Variants in MAPK14 observed in about 807,000 individuals in gnomAD.
MAPK14 encodes the protein mitogen-activated protein kinase 14.
Under a neutral mutation model 49.6 loss-of-function variants are expected in MAPK14, and 16 were observed. That is an observed-to-expected ratio of 0.32 (90% CI 0.22 to 0.49). MAPK14 has a LOEUF of 0.49. Among genes scored for constraint, MAPK14 ranks in the 20% least tolerant of loss-of-function variants. The pLI, the probability that MAPK14 is intolerant of heterozygous loss-of-function variation, is 0.99. For synonymous variants in MAPK14, 142 were observed against 158.0 expected (o/e 0.90, Z 0.76); for missense variants, 200 against 441.2 (o/e 0.45, Z 4.90).
chr6:36,082,946 C>G (rs989598776), intron 8 of MAPK14, among the ~76,000 whole-genome samples: 1 of 152,048 alleles, frequency 6.6e-6, no homozygotes, highest in East Asian at 1.9e-4. Context: ...CCTGTTCTAC[C>G]TTTTTCTTGG....
intron 2 of MAPK14, among the ~76,000 whole-genome samples, chr6:36,058,112 A>T (rs1460467983): frequency 6.6e-6 from 1 of 152,116 alleles, no homozygotes. Flanking sequence ...TCTTTGCTTT[A>T]TCCCTGTGTA....
At chr6:36,037,553 A>C (rs894492867) in intron 1 of MAPK14, among the ~76,000 whole-genome samples, 2 of 152,194 alleles carry the variant, frequency 1.3e-5, no homozygotes, top group African/African-American at 4.8e-5. Context: ...GTAGAGAGAA[A>C]GGGGAAGGAG....
intron 3 of MAPK14, among the ~76,000 whole-genome samples, chr6:36,068,766 G>A (rs1424154091): frequency 6.6e-6 from 1 of 152,048 alleles, no homozygotes; most frequent in African/African-American, 2.4e-5. Flanking sequence ...TAACAATTGG[G>A]TATTATCCAA....
intron 10 of MAPK14, among the ~76,000 whole-genome samples, chr6:36,104,372 A>G: frequency 6.6e-6 from 1 of 152,078 alleles, no homozygotes; most frequent in East Asian, 1.9e-4. Flanking sequence ...GATGTTGGGA[A>G]AAGATGTTGT....
chr6:36,101,808 G>C (rs1478711393), intron 9 of MAPK14, among the ~76,000 whole-genome samples: 1 of 152,126 alleles, frequency 6.6e-6, no homozygotes, highest in Non-Finnish European at 1.5e-5. Context: ...CACCGTGCCT[G>C]GGCAACCAGA....
At chr6:36,031,975 T>A (rs953288401) in intron 1 of MAPK14, among the ~76,000 whole-genome samples, 4 of 151,942 alleles carry the variant, frequency 2.6e-5, no homozygotes, top group Non-Finnish European at 5.9e-5. Context: ...AGAGATAGGG[T>A]CTTACTGTGT....
intron 1 of MAPK14, among the ~76,000 whole-genome samples, chr6:36,049,273 A>G (rs555640197): frequency 2.4e-4 from 36 of 152,186 alleles, no homozygotes; most frequent in Non-Finnish European, 3.7e-4. Context: ...CTTGTCAAAA[A>G]GTAAATTCTA....
chr6:36,118,455 C>G, the MAPK14 span, among the ~76,000 whole-genome samples: 1 of 152,194 alleles, frequency 6.6e-6, no homozygotes, highest in African/African-American at 2.4e-5. Context: ...AACATCTAAG[C>G]ACCTGTTGCT....
rs984162285 is a variant in MAPK14, at chr6:36,090,334, T to C, written c.683-5653T>C. Among the ~76,000 whole-genome samples, 4 of 152,030 alleles carry C rather than the reference T, an allele frequency of 2.6e-5. No individual in the cohort carries two copies. The East Asian group carries it at 7.7e-4, about 29-fold the overall frequency. The stretch of plus-strand genomic sequence containing the variant: ...CATTGGTTTCAAATACTCTTTCTTT[T>C]TTTTTTTGAGATGGAGTCTCACTCT... On this transcript the variant is annotated intron_variant, in intron 8 of 11. Coordinates refer to ENST00000229794, the MANE Select transcript of MAPK14 (RefSeq NM_139012.3).
chr6:36,043,404 T>G (rs1160338208), intron 1 of MAPK14, among the ~76,000 whole-genome samples: 2 of 152,196 alleles, frequency 1.3e-5, no homozygotes, highest in African/African-American at 4.8e-5. Context: ...AATCAAAACT[T>G]AAGTTCCAAT....
At chr6:36,123,208 C>G in the MAPK14 span, among the ~76,000 whole-genome samples, 2 of 152,098 alleles carry the variant, frequency 1.3e-5, no homozygotes, top group Non-Finnish European at 2.9e-5. Flanking sequence ...GTGAGGAGGG[C>G]TGTCCACAGG....
intron 3 of MAPK14, among the ~76,000 whole-genome samples, chr6:36,064,818 A>G (rs976025225): frequency 6.6e-6 from 1 of 152,208 alleles, no homozygotes. Flanking sequence ...TTAATGGGAG[A>G]GAAGAACAAT....
At chr6:36,041,510 ATGTTTCAT>A (rs1225572796) in intron 1 of MAPK14, among the ~76,000 whole-genome samples, 1 of 152,186 alleles carries the variant, frequency 6.6e-6, no homozygotes, top group Non-Finnish European at 1.5e-5. Context: ...TTGAGATGTA[ATGTTTCAT>A]GCTTTTCCTT....
chr6:36,032,145 C>T (rs948303958), intron 1 of MAPK14, among the ~76,000 whole-genome samples: 2 of 151,960 alleles, frequency 1.3e-5, no homozygotes, highest in South Asian at 2.1e-4. Flanking sequence ...AAAATTCATT[C>T]ATTGAAATAT....
At chr6:36,049,151 G>A (rs1317326297) in intron 1 of MAPK14, among the ~76,000 whole-genome samples, 1 of 152,212 alleles carries the variant, frequency 6.6e-6, no homozygotes, top group Non-Finnish European at 1.5e-5. Context: ...TAATGACCTT[G>A]AGAAGAGCAG....
chr6:36,099,201 G>A (rs775806124), intron 9 of MAPK14, among the ~76,000 whole-genome samples: 2 of 152,192 alleles, frequency 1.3e-5, no homozygotes, highest in Non-Finnish European at 2.9e-5. Flanking sequence ...GAGGGAATTA[G>A]TAGTTAACAA....
intron 1 of MAPK14, among the ~76,000 whole-genome samples, chr6:36,040,217 A>G (rs1391883112): frequency 1.3e-5 from 2 of 152,104 alleles, no homozygotes; most frequent in Admixed American, 1.3e-4. Flanking sequence ...GCAGTGTAGT[A>G]TGTTTAGCAG....
At chr6:36,060,470 T>C (rs73407870) in intron 3 of MAPK14, among the ~76,000 whole-genome samples, 21,803 of 152,184 alleles carry the variant, frequency 0.14, 1,946 homozygotes, top group African/African-American at 0.26. Flanking sequence ...TTTGGTCACA[T>C]TGAAATTTTG....
chr6:36,118,851 T>G, the MAPK14 span, among the ~76,000 whole-genome samples: 2 of 152,110 alleles, frequency 1.3e-5, no homozygotes, highest in Admixed American at 6.5e-5. Context: ...CCCACCCTGC[T>G]TCACGGTGAG....
Sources: gnomAD v4.1 joint callset for allele counts (sites outside exome capture counted in the v4.1 genomes callset) on GRCh38, gnomAD v4.1.1 for gene constraint, MANE v1.5 for transcripts, NCBI Gene and HGNC (gene_info 2026-07-23, HGNC 2026-07-21) for gene names.